Variants in PRH1 observed in about 807,000 individuals in gnomAD.
The protein encoded by PRH1 is salivary acidic proline-rich phosphoprotein 1/2.
PRH1 carries 7 observed loss-of-function variants against 7.9 expected under a neutral mutation model. The observed-to-expected ratio is 0.89, with a 90% CI of 0.50 to 1.67. The LOEUF (loss-of-function observed/expected upper bound fraction) is 1.67, where lower values mean the gene tolerates loss of function less well. PRH1 is among the 40% of genes most tolerant of loss of function. PRH1 has a pLI of 0.00. For synonymous variants in PRH1, 45 were observed against 80.8 expected, an observed-to-expected ratio of 0.56 and a Z score of 2.38; for missense variants, 109 against 223.6, an observed-to-expected ratio of 0.49 and a Z score of 3.27.
At chr12:11,169,154 AC>A (rs1231154768) in intron 1 of PRH1, among the ~76,000 whole-genome samples, 3 of 152,232 alleles carry the variant, frequency 2.0e-5, no homozygotes, top group Non-Finnish European at 4.4e-5. Context: ...GTTAATCTGT[AC>A]AATCAAGCCA....
At chr12:11,083,807 T>C (rs145033246) in intron 1 of PRH1, among the ~76,000 whole-genome samples, 5 of 152,230 alleles carry the variant, frequency 3.3e-5, no homozygotes, top group Admixed American at 1.3e-4. Flanking sequence ...TTGTAAACTT[T>C]ATATAAGTGG....
intron 1 of PRH1, among the ~76,000 whole-genome samples, chr12:11,105,331 C>T (rs948658436): frequency 1.3e-5 from 2 of 152,034 alleles, no homozygotes; most frequent in Admixed American, 1.3e-4. Context: ...AAAGGCAAGC[C>T]TGATATCACT....
At chr12:11,130,871 A>G (rs1231730292) in intron 1 of PRH1, among the ~76,000 whole-genome samples, 1 of 152,200 alleles carries the variant, frequency 6.6e-6, no homozygotes, top group East Asian at 1.9e-4. Flanking sequence ...ATATGCTCAT[A>G]AAGCCAGCCA....
intron 2 of PRH1, among the ~76,000 whole-genome samples, chr12:10,953,150 C>G (rs79738015): frequency 0.018 from 2,754 of 151,872 alleles, 77 homozygotes; most frequent in African/African-American, 0.063. Context: ...ATGGCAACTT[C>G]GAAGACTGAA....
At position 10,961,545 on chromosome 12, in the gene PRH1, G is replaced by C. The variant is rs558262165; in HGVS notation, c.-59+12110C>G. Among the ~76,000 whole-genome samples the C allele has an allele frequency of 6.3e-5, 9 of 143,972 alleles. 1 individual carries two copies. Among genetic ancestry groups the C allele is most frequent in the African/African-American group, 2.7e-4 (9 of 33,776 alleles). 94.5% of individuals were successfully genotyped at this position (143,972 alleles called of 152,430 possible). A position where few individuals can be genotyped will look rare whatever the true frequency, so the allele number is the denominator to read the frequency against. ...GTGGTACAAGGAGTAGACAGTATTG[G>C]ACTTAAACATGTGCTTCCTCAGATT... On this transcript the variant is annotated intron_variant, in intron 2 of 3. Coordinates refer to the PRH1 transcript ENST00000539853.
chr12:11,104,335 G>A (rs928204801), intron 1 of PRH1, among the ~76,000 whole-genome samples: 1 of 151,942 alleles, frequency 6.6e-6, no homozygotes, highest in Non-Finnish European at 1.5e-5. Flanking sequence ...ATGTTTCACT[G>A]TAGGGTTTTA....
At chr12:11,166,929 A>T (rs920093706) in intron 1 of PRH1, among the ~76,000 whole-genome samples, 20 of 152,196 alleles carry the variant, frequency 1.3e-4, no homozygotes, top group African/African-American at 4.6e-4. Context: ...GGCCTCCTTC[A>T]TCTTCAAAGT....
intron 1 of PRH1, among the ~76,000 whole-genome samples, chr12:11,151,401 C>T (rs1947078382): frequency 6.6e-6 from 1 of 152,030 alleles, no homozygotes; most frequent in Non-Finnish European, 1.5e-5. Flanking sequence ...GAGGGGACTC[C>T]CTGGAAACTC....
At chr12:11,168,210 AAAG>A (rs781495847) in intron 1 of PRH1, among the ~76,000 whole-genome samples, 15,965 of 47,980 alleles carry the variant, frequency 0.33, 6,016 homozygotes, top group East Asian at 0.85. Flanking sequence ...CGAAAGAAAG[AAAG>A]AAGAAAGAAA....
chr12:10,984,913 A>C (rs1053699410), intron 1 of PRH1, among the ~76,000 whole-genome samples: 2 of 152,038 alleles, frequency 1.3e-5, no homozygotes, highest in Non-Finnish European at 2.9e-5. Context: ...ATTTGCAAAA[A>C]GTTTAATTCA....
At chr12:10,948,170 C>T (rs917666820) in intron 2 of PRH1, among the ~76,000 whole-genome samples, 12 of 152,122 alleles carry the variant, frequency 7.9e-5, no homozygotes, top group African/African-American at 2.7e-4. Context: ...GTCTGTTGGC[C>T]TCTCTAGCAA....
At chr12:11,048,146 A>ATG (rs71448856), upstream of PRH1, among the ~76,000 whole-genome samples, 22 of 138,728 alleles carry the variant, frequency 1.6e-4, no homozygotes, top group African/African-American at 2.4e-4. Flanking sequence ...ACACACATAT[A>ATG]TGTGTGTGTG....
At chr12:10,971,555 A>G (rs1938815664) in intron 2 of PRH1, among the ~76,000 whole-genome samples, 1 of 152,052 alleles carries the variant, frequency 6.6e-6, no homozygotes. Context: ...CTATGAAAAC[A>G]CAGTGATATT....
chr12:11,063,826 G>A (rs901263847), intron 1 of PRH1, among the ~76,000 whole-genome samples: 1 of 152,008 alleles, frequency 6.6e-6, no homozygotes, highest in Non-Finnish European at 1.5e-5. Flanking sequence ...ATTTCCTCAC[G>A]TTGCAACTAA....
intron 2 of PRH1, among the ~76,000 whole-genome samples, chr12:10,967,854 T>C (rs10772394): frequency 0.24 from 37,017 of 152,154 alleles, 4,553 homozygotes; most frequent in Non-Finnish European, 0.25. Context: ...GCATCATTAC[T>C]CAAGTGAGAG....
intron 1 of PRH1, among the ~76,000 whole-genome samples, chr12:11,056,156 G>C (rs1464224654): frequency 6.6e-6 from 1 of 152,094 alleles, no homozygotes; most frequent in Non-Finnish European, 1.5e-5. Context: ...TTAGGACTTT[G>C]ACTAAATTAT....
chr12:10,912,710 T>C (rs1949917660), intron 2 of PRH1, among the ~76,000 whole-genome samples: 1 of 152,104 alleles, frequency 6.6e-6, no homozygotes, highest in Non-Finnish European at 1.5e-5. Flanking sequence ...ATTTTAAATA[T>C]TTTCTAAATT....
At chr12:10,950,729 TA>T (rs1950557886) in intron 2 of PRH1, among the ~76,000 whole-genome samples, 1 of 152,190 alleles carries the variant, frequency 6.6e-6, no homozygotes, top group Middle Eastern at 3.4e-3. Context: ...AAGGGAAAAT[TA>T]GATTGTTTAG....
At chr12:11,032,774 T>G (rs182277876) in intron 1 of PRH1, among the ~76,000 whole-genome samples, 68 of 152,338 alleles carry the variant, frequency 4.5e-4, no homozygotes, top group Non-Finnish European at 7.5e-4. Flanking sequence ...CTTTGATATA[T>G]AATCCTGCAG....
Sources: gnomAD v4.1 joint callset for allele counts (sites outside exome capture counted in the v4.1 genomes callset) on GRCh38, gnomAD v4.1.1 for gene constraint, MANE v1.5 for transcripts, NCBI Gene and HGNC (gene_info 2026-07-23, HGNC 2026-07-21) for gene names.